The following KLHL24 variants were observed in gnomAD, a reference collection of about 807,000 sequenced individuals.
KLHL24 encodes kelch-like protein 24.
KLHL24 carries 29 observed loss-of-function variants against 53.4 expected under a neutral mutation model. The observed-to-expected ratio is 0.54, with a 90% CI of 0.40 to 0.74. The LOEUF (loss-of-function observed/expected upper bound fraction) is 0.74, where lower values mean the gene tolerates loss of function less well. Among genes scored for constraint, KLHL24 ranks in the 30% least tolerant of loss-of-function variants. The probability of loss-of-function intolerance (pLI) is 0.00; values close to 1 mark genes in which losing one functional copy is unlikely to be tolerated. For synonymous variants in KLHL24, 222 were observed against 253.7 expected (o/e 0.88, Z 1.19); for missense variants, 504 against 744.0 (o/e 0.68, Z 3.75).
intron 1 of KLHL24, among the ~76,000 whole-genome samples, chr3:183,641,738 T>G (rs1053965046): frequency 6.6e-6 from 1 of 152,150 alleles, no homozygotes; most frequent in African/African-American, 2.4e-5. Flanking sequence ...TAGAAGCCCC[T>G]CATTAATCCA....
Position 183,663,587 on chromosome 3 carries a change from A to T in KLHL24, c.1050A>T (p.Glu350Asp). Reference protein sequence around the residue: ...GEWKSLAKLPEFTKSEYAVCA... With the variant: ...GEWKSLAKLPDFTKSEYAVCA... ...GGAAGTCTTTGGCTAAGCTTCCAGA[A>T]TTTACCAAATCAGAGTATGCAGTCT... The change falls in exon 4 of 8, where the codon GAA becomes GAT. Residue 350 changes from glutamate to aspartate, a missense_variant. Coordinates refer to ENST00000242810, the MANE Select transcript of KLHL24 (RefSeq NM_017644.3). The surrounding 1 kb of genome is among the most constrained non-coding windows in gnomAD (Gnocchi z 4.9). 1 of 1,607,774 alleles carries T rather than the reference A, an allele frequency of 6.2e-7. No homozygotes were observed. The highest frequency in any genetic ancestry group is 8.5e-7 in the Non-Finnish European group (1 of 1,176,390).
intron 7 of KLHL24, among the ~76,000 whole-genome samples, chr3:183,673,744 C>T (rs994043962): frequency 3.3e-5 from 5 of 152,144 alleles, no homozygotes; most frequent in African/African-American, 1.2e-4. Context: ...TGCTAATAAT[C>T]TCCTCACTCT....
rs1346574395 is a variant in KLHL24, at chr3:183,637,261, T to C, written c.-125+1468T>C. ...GTTGGTTTTTATTAGGGTTGTAAAATAGATTTAAAATCTGCTTGTTGTTGG... is the reference window on the plus strand; with the variant it reads ...GTTGGTTTTTATTAGGGTTGTAAAACAGATTTAAAATCTGCTTGTTGTTGG... On this transcript the variant is annotated intron_variant, in intron 1 of 7. Transcript: ENST00000242810. 3.9e-5 allele frequency among the ~76,000 whole-genome samples: 6 copies of C among 152,294 alleles called. No homozygotes were observed. In the East Asian group the frequency reaches 1.2e-3, roughly 29 times the overall value.
intron 3 of KLHL24, among the ~76,000 whole-genome samples, chr3:183,655,360 C>T (rs993381459): frequency 2.0e-5 from 3 of 152,162 alleles, no homozygotes; most frequent in African/African-American, 7.2e-5. Flanking sequence ...GGTGTGGTAG[C>T]TCACACCTGT....
rs189519107 is a variant in KLHL24 at position 183,679,688 on chromosome 3, C to T, written c.*402C>T. The T allele has an allele frequency of 6.3e-6, 1 of 158,938 alleles. No individual in the cohort carries two copies. Among genetic ancestry groups the T allele is most frequent in the East Asian group, 1.9e-4 (1 of 5,388 alleles). 9.8% of individuals were successfully genotyped at this position (158,938 alleles called of 1,614,324 possible). A position where few individuals can be genotyped will look rare whatever the true frequency, so the allele number is the denominator to read the frequency against. Reference sequence around the variant, plus strand: ...GTAGAGAAAATTGCATGACTTGAGGCATCATTTAGGTTGAAGAAGTTAATG... The same window carrying T: ...GTAGAGAAAATTGCATGACTTGAGGTATCATTTAGGTTGAAGAAGTTAATG... On this transcript the variant is annotated 3_prime_UTR_variant, in exon 8 of 8. Transcript: ENST00000242810.
Position 183,635,641 on chromosome 3 carries a change from G to A in KLHL24, c.-277G>A, listed in dbSNP as rs933172867. 7.9e-5 allele frequency: 12 copies of A among 152,710 alleles called. No individual in the cohort carries two copies. Among genetic ancestry groups the A allele is most frequent in the African/African-American group, 2.9e-4 (12 of 41,604 alleles). 9.5% of individuals were successfully genotyped at this position (152,710 alleles called of 1,614,324 possible). ...TTCCTTTGTTGTGAGCTGCGGCAGAGACTGGTGGCTGGAGGAGACGCCGGC... is the reference window on the plus strand; with the variant it reads ...TTCCTTTGTTGTGAGCTGCGGCAGAAACTGGTGGCTGGAGGAGACGCCGGC... On this transcript the variant is annotated 5_prime_UTR_variant, in exon 1 of 8. Coordinates refer to ENST00000242810, the MANE Select transcript of KLHL24 (RefSeq NM_017644.3).
At chr3:183,671,846 G>T (rs780375785) in intron 6 of KLHL24, among the ~76,000 whole-genome samples, 30 of 152,112 alleles carry the variant, frequency 2.0e-4, no homozygotes, top group Non-Finnish European at 4.4e-5. Context: ...AAAATAATGT[G>T]ATCAAATGTT....
chr3:183,666,954 A>G (rs1720654534), intron 5 of KLHL24, among the ~76,000 whole-genome samples: 1 of 152,106 alleles, frequency 6.6e-6, no homozygotes, highest in African/African-American at 2.4e-5. Context: ...CTGATCTCCT[A>G]GCACCCCTTT....
At chr3:183,665,065 A>G (rs1233611794) in intron 5 of KLHL24, 26 bp downstream of exon 5, 2 of 1,175,870 alleles carry the variant, frequency 1.7e-6, no homozygotes, top group African/African-American at 3.0e-5. Context: ...TTTTATTACT[A>G]TTGCTGGTAC....
At position 183,671,302 on chromosome 3, in the gene KLHL24, A is replaced by G. The variant is rs936392595; in HGVS notation, c.1413+80A>G. 4 of 1,274,288 alleles carry G rather than the reference A, an allele frequency of 3.1e-6. No homozygotes were observed. The African/African-American group carries it at 6.0e-5, about 19-fold the overall frequency. 78.9% of individuals were successfully genotyped at this position (1,274,288 alleles called of 1,614,324 possible). On this transcript the variant is annotated intron_variant, in intron 6 of 7. Coordinates refer to ENST00000242810, the MANE Select transcript of KLHL24 (RefSeq NM_017644.3). ...CAGAAGGCTTATCAAGTAGGTAGCC[A>G]GGTCACATAGTGTGAGGGGTCTTTT...
chr3:183,639,729 G>T (rs1398025135), intron 1 of KLHL24, among the ~76,000 whole-genome samples: 1 of 151,932 alleles, frequency 6.6e-6, no homozygotes, highest in Non-Finnish European at 1.5e-5. Context: ...AACCGGGCTG[G>T]GCGTGGTGAC....
At chr3:183,653,228 A>C (rs1360839413) in intron 3 of KLHL24, among the ~76,000 whole-genome samples, 1 of 152,196 alleles carries the variant, frequency 6.6e-6, no homozygotes, top group Non-Finnish European at 1.5e-5. Context: ...ATACGATAGC[A>C]GATATTTATT....
rs550682596 is a variant in KLHL24, at chr3:183,637,323, G to A, written c.-125+1530G>A. ...AAGCAGATTTCTACTATTTAAAAAA[G>A]ATAGTTTGAAGATACTCCCCTAAAA... is the stretch of plus-strand genomic sequence containing the variant. On this transcript the variant is annotated intron_variant, in intron 1 of 7. Coordinates refer to ENST00000242810, the MANE Select transcript of KLHL24 (RefSeq NM_017644.3). Among the ~76,000 whole-genome samples the A allele has an allele frequency of 5.9e-5, 9 of 152,258 alleles. No homozygotes were observed. The South Asian group carries it at 1.9e-3, about 32-fold the overall frequency.
chr3:183,642,468 A>T (rs1188387863), intron 1 of KLHL24, among the ~76,000 whole-genome samples: 8 of 152,162 alleles, frequency 5.3e-5, no homozygotes, highest in African/African-American at 1.7e-4. Context: ...TAAACTTGTT[A>T]AGAATTTACA....
intron 3 of KLHL24, among the ~76,000 whole-genome samples, chr3:183,662,286 T>C (rs900650990): frequency 6.6e-6 from 1 of 152,164 alleles, no homozygotes; most frequent in Non-Finnish European, 1.5e-5. Context: ...TAAATGTAGC[T>C]AGAACAGCTC....
intron 3 of KLHL24, among the ~76,000 whole-genome samples, chr3:183,658,011 G>A (rs1238319345): frequency 3.3e-5 from 5 of 151,986 alleles, no homozygotes; most frequent in East Asian, 1.9e-4. Context: ...TCTGGAGTTC[G>A]AGACCAGCCT....
At chr3:183,668,628 C>T (rs555849653) in intron 5 of KLHL24, among the ~76,000 whole-genome samples, 5 of 152,200 alleles carry the variant, frequency 3.3e-5, no homozygotes, top group South Asian at 2.1e-4. Flanking sequence ...AAAAAATTAC[C>T]GGGTGCGGTG....
intron 7 of KLHL24, among the ~76,000 whole-genome samples, chr3:183,678,631 C>T (rs997218503): frequency 1.3e-5 from 2 of 152,026 alleles, no homozygotes; most frequent in Admixed American, 6.6e-5. Flanking sequence ...GTTCTTAAGC[C>T]CTAGTACCCA....
intron 7 of KLHL24, among the ~76,000 whole-genome samples, chr3:183,677,917 G>A (rs889183458): frequency 6.6e-6 from 1 of 151,952 alleles, no homozygotes; most frequent in Non-Finnish European, 1.5e-5. Flanking sequence ...TCAGCCTCCC[G>A]AGTAGTAGGG....
Sources: allele counts gnomAD v4.1 joint callset (sites outside exome capture counted in the v4.1 genomes callset), GRCh38; gene constraint gnomAD v4.1.1; non-coding constraint Gnocchi (gnomAD v3.1); transcripts MANE v1.5; gene names NCBI Gene and HGNC (gene_info 2026-07-23, HGNC 2026-07-21).